The following NRG3 variants were observed in gnomAD, a reference collection of about 807,000 sequenced individuals.
NRG3 encodes the protein neuregulin 3, also known as pro-neuregulin-3, membrane-bound isoform.
A neutral mutation model predicts 66.9 loss-of-function variants in NRG3; 31 were observed. The observed-to-expected ratio is 0.46, with a 90% confidence interval of 0.35 to 0.63. The LOEUF (loss-of-function observed/expected upper bound fraction) is 0.63, where lower values mean the gene tolerates loss of function less well. Ranked by LOEUF, NRG3 falls within the 20% of genes least tolerant of loss-of-function variation. NRG3 has a pLI of 0.00. For missense variants in NRG3, 910 were observed against 878.9 expected (o/e 1.04, Z -0.45); for synonymous variants, 393 against 359.4 (o/e 1.09, Z -1.06).
At chr10:82,280,132 C>CTTAGACATCTTAGATGTCTTAGAT (rs2079055839) in intron 1 of NRG3, among the ~76,000 whole-genome samples, 1 of 151,978 alleles carries the variant, frequency 6.6e-6, no homozygotes, top group African/African-American at 2.4e-5. Context: ...TAGTAGGGGT[C>CTTAGACATCTTAGATGTCTTAGAT]AGACATCTAA....
At chr10:82,492,985 A>G (rs1279787004) in intron 2 of NRG3, among the ~76,000 whole-genome samples, 1 of 152,174 alleles carries the variant, frequency 6.6e-6, no homozygotes, top group Non-Finnish European at 1.5e-5. Context: ...ACTAATGAGC[A>G]TGGATGGATT....
intron 2 of NRG3, among the ~76,000 whole-genome samples, chr10:82,661,989 G>A (rs1398254810): frequency 6.6e-6 from 1 of 152,112 alleles, no homozygotes; most frequent in African/African-American, 2.4e-5. Context: ...TCTCATGGAG[G>A]GTTTTGAGGA....
intron 2 of NRG3, among the ~76,000 whole-genome samples, chr10:82,594,861 A>G (rs1282257905): frequency 6.6e-6 from 1 of 152,004 alleles, no homozygotes; most frequent in Non-Finnish European, 1.5e-5. Flanking sequence ...TTTGGACCCT[A>G]CCATGGTATC....
chr10:82,889,837 T>A (rs1357554122), intron 4 of NRG3, among the ~76,000 whole-genome samples: 1 of 152,176 alleles, frequency 6.6e-6, no homozygotes, highest in African/African-American at 2.4e-5. Context: ...CCTGAAGGAA[T>A]CTCAATAGGA....
intron 2 of NRG3, among the ~76,000 whole-genome samples, chr10:82,435,426 C>A (rs1245878959): frequency 6.6e-6 from 1 of 151,674 alleles, no homozygotes; most frequent in Non-Finnish European, 1.5e-5. Flanking sequence ...TTTTGGAGGG[C>A]TTTTTGTGTC....
chr10:82,860,101 A>G (rs2064038279), intron 3 of NRG3, among the ~76,000 whole-genome samples: 1 of 152,170 alleles, frequency 6.6e-6, no homozygotes, highest in Admixed American at 6.5e-5. Context: ...TGCTTGCTGT[A>G]TGTGCAAGCA....
intron 2 of NRG3, among the ~76,000 whole-genome samples, chr10:82,680,359 T>C (rs560228279): frequency 6.6e-6 from 1 of 152,318 alleles, no homozygotes; most frequent in African/African-American, 2.4e-5. Context: ...TTTTATCCAC[T>C]GCTAAATCAC....
chr10:82,363,077 A>C (rs891916175), intron 2 of NRG3, among the ~76,000 whole-genome samples: 2 of 152,218 alleles, frequency 1.3e-5, no homozygotes, highest in African/African-American at 4.8e-5. Flanking sequence ...CAAAATTAAA[A>C]GACAAACTGT....
chr10:82,520,534 CTTGT>C (rs952660198), intron 2 of NRG3, among the ~76,000 whole-genome samples: 7 of 152,230 alleles, frequency 4.6e-5, no homozygotes, highest in African/African-American at 1.4e-4. Flanking sequence ...CTCATCTCAG[CTTGT>C]CTGTCTGTAT....
chr10:82,072,113 C>G (rs142974075), intron 1 of NRG3, among the ~76,000 whole-genome samples: 166 of 152,204 alleles, frequency 1.1e-3, no homozygotes, highest in African/African-American at 3.9e-3. Context: ...ATGGATTATG[C>G]TAGCTTTTGT....
At chr10:82,824,338 A>C (rs2062087452) in intron 3 of NRG3, among the ~76,000 whole-genome samples, 1 of 152,174 alleles carries the variant, frequency 6.6e-6, no homozygotes, top group African/African-American at 2.4e-5. Context: ...ATTCATGTGC[A>C]AGTTTTTGAG....
At chr10:81,886,751 A>G (rs1842643468) in intron 1 of NRG3, among the ~76,000 whole-genome samples, 1 of 152,158 alleles carries the variant, frequency 6.6e-6, no homozygotes, top group Admixed American at 6.6e-5. Flanking sequence ...AAGCTATTAA[A>G]TTTTGTTGTA....
intron 4 of NRG3, among the ~76,000 whole-genome samples, chr10:82,922,534 A>G (rs1846537642): frequency 6.6e-6 from 1 of 152,166 alleles, no homozygotes; most frequent in Non-Finnish European, 1.5e-5. Flanking sequence ...TGGTCCTTCT[A>G]GGACCCACCC....
intron 3 of NRG3, among the ~76,000 whole-genome samples, chr10:82,795,197 T>C (rs931974829): frequency 6.6e-6 from 1 of 152,190 alleles, no homozygotes; most frequent in Non-Finnish European, 1.5e-5. Context: ...AAAAGCTTTA[T>C]TGGTATAACA....
At chr10:82,243,921 T>C (rs1200086207) in intron 1 of NRG3, among the ~76,000 whole-genome samples, 4 of 152,196 alleles carry the variant, frequency 2.6e-5, no homozygotes. Flanking sequence ...GAGAAATTTC[T>C]GCTTGAGGTG....
intron 1 of NRG3, among the ~76,000 whole-genome samples, chr10:82,243,525 A>G (rs2077095888): frequency 6.6e-6 from 1 of 152,190 alleles, no homozygotes. Flanking sequence ...CTTTAGAAAT[A>G]AAAATTAAGT....
At chr10:82,357,602 G>A (rs1271844377) in intron 1 of NRG3, among the ~76,000 whole-genome samples, 1 of 152,174 alleles carries the variant, frequency 6.6e-6, no homozygotes, top group African/African-American at 2.4e-5. Context: ...CATGGATAGG[G>A]AGTAAGAGCA....
chr10:82,412,406 C>A (rs959644608), intron 2 of NRG3, among the ~76,000 whole-genome samples: 9 of 152,190 alleles, frequency 5.9e-5, no homozygotes, highest in African/African-American at 2.2e-4. Context: ...TATGCAATAG[C>A]ATCATGTCAA....
intron 1 of NRG3, among the ~76,000 whole-genome samples, chr10:82,342,846 C>A (rs1400216804): frequency 6.6e-6 from 1 of 151,846 alleles, no homozygotes; most frequent in East Asian, 1.9e-4. Flanking sequence ...TTGCCTAGGC[C>A]AGTGTTCAGT....
Sources: allele counts gnomAD v4.1 joint callset (sites outside exome capture counted in the v4.1 genomes callset), GRCh38; gene constraint gnomAD v4.1.1; transcripts MANE v1.5; gene names NCBI Gene and HGNC (gene_info 2026-07-23, HGNC 2026-07-21).